The following MEP1B variants were observed in gnomAD, a reference collection of about 807,000 sequenced individuals.
MEP1B encodes the protein N-benzoyl-L-tyrosyl-P-amino-benzoic acid hydrolase subunit beta.
MEP1B carries 80 observed loss-of-function variants against 84.6 expected under a neutral mutation model. The observed-to-expected ratio is 0.95, with a 90% CI of 0.79 to 1.14. The LOEUF (loss-of-function observed/expected upper bound fraction) is 1.14, where lower values mean the gene tolerates loss of function less well. Ranked by LOEUF, MEP1B falls within the 50% of genes most tolerant of loss-of-function variation. MEP1B has a pLI of 0.00. For missense variants in MEP1B, 766 were observed against 855.1 expected, an observed-to-expected ratio of 0.90 and a Z score of 1.30; for synonymous variants, 273 against 288.1, an observed-to-expected ratio of 0.95 and a Z score of 0.53.
At chr18:32,206,889 C>A (rs1013623740) in intron 7 of MEP1B, among the ~76,000 whole-genome samples, 4 of 152,254 alleles carry the variant, frequency 2.6e-5, no homozygotes, top group African/African-American at 7.2e-5. Context: ...GGATTACAGG[C>A]GTGAGCCACC....
At chr18:32,193,704 C>T (rs1012917454) in intron 4 of MEP1B, among the ~76,000 whole-genome samples, 3 of 152,194 alleles carry the variant, frequency 2.0e-5, no homozygotes, top group Non-Finnish European at 4.4e-5. Context: ...CCTTCCAACA[C>T]AGTCCTAAGT....
chr18:32,208,365 CA>C (rs2040988184), intron 9 of MEP1B, 94 bp downstream of exon 9: 1 of 1,249,274 alleles, frequency 8.0e-7, no homozygotes, highest in African/African-American at 1.5e-5. Context: ...TAATTTCTAT[CA>C]GAATTATTAA....
Position 32,196,885 on chromosome 18 carries a change from G to T in MEP1B, c.250+1400G>T. 1 of 465,454 alleles carries T rather than the reference G, an allele frequency of 2.1e-6. No individual in the cohort carries two copies. Among genetic ancestry groups the T allele is most frequent in the Non-Finnish European group, 4.0e-6 (1 of 247,322 alleles). 28.8% of individuals were successfully genotyped at this position (465,454 alleles called of 1,614,324 possible). On this transcript the variant is annotated intron_variant, in intron 5 of 14. Coordinates refer to ENST00000269202, the MANE Select transcript of MEP1B (RefSeq NM_005925.3). The surrounding 1 kb of genome is among the most constrained non-coding windows in gnomAD (Gnocchi z 4.4). ...ATGATGTAGTGGAGGCGGGCAAGGA[G>T]GCGCAGGCAGGCTCAGATCTCCACG...
intron 9 of MEP1B, among the ~76,000 whole-genome samples, chr18:32,210,056 G>A (rs1405050974): frequency 6.6e-6 from 1 of 152,138 alleles, no homozygotes; most frequent in Non-Finnish European, 1.5e-5. Flanking sequence ...TTTGTCCAAT[G>A]GTAGCTCTTT....
At chr18:32,190,682 T>C (rs1330346222) in intron 1 of MEP1B, among the ~76,000 whole-genome samples, 1 of 152,110 alleles carries the variant, frequency 6.6e-6, no homozygotes, top group Non-Finnish European at 1.5e-5. Context: ...ACAATTATTA[T>C]ATTGGGGTGA....
In MEP1B at chr18:32,196,552, G is replaced by A; in HGVS notation, c.250+1067G>A. ...GCCACCTTGAGAGCTTTGGGCCCTTGGTACTTGGTGCTGACGGCCAGCGCG... is the reference window on the plus strand; with the variant it reads ...GCCACCTTGAGAGCTTTGGGCCCTTAGTACTTGGTGCTGACGGCCAGCGCG... On this transcript the variant is annotated intron_variant, in intron 5 of 14. Coordinates refer to ENST00000269202, the MANE Select transcript of MEP1B (RefSeq NM_005925.3). The surrounding 1 kb of genome is among the most constrained non-coding windows in gnomAD (Gnocchi z 4.4). 1 of 703,412 alleles carries A rather than the reference G, an allele frequency of 1.4e-6. No homozygotes were observed. Among genetic ancestry groups the A allele is most frequent in the Middle Eastern group, 2.6e-4 (1 of 3,832 alleles). 43.6% of individuals were successfully genotyped at this position (703,412 alleles called of 1,614,324 possible).
chr18:32,190,963 A>G (rs569717051), intron 1 of MEP1B, among the ~76,000 whole-genome samples: 8 of 152,264 alleles, frequency 5.3e-5, no homozygotes, highest in African/African-American at 1.9e-4. Flanking sequence ...GTATTTGAAT[A>G]AAATTGTACT....
intron 11 of MEP1B, among the ~76,000 whole-genome samples, chr18:32,213,958 T>C (rs1222379703): frequency 2.0e-5 from 3 of 152,192 alleles, no homozygotes; most frequent in Non-Finnish European, 4.4e-5. Flanking sequence ...GCTGTAGTAA[T>C]CATTCCACAG....
Position 32,196,938 on chromosome 18 carries a change from A to G in MEP1B, c.250+1453A>G, listed in dbSNP as rs868421937. ...CACTGCTCCCTACACTTGGTTAAAC[A>G]GGTGCAGGGCCTGATTGATGGGCTC... On this transcript the variant is annotated intron_variant, in intron 5 of 14. Coordinates refer to ENST00000269202, the MANE Select transcript of MEP1B (RefSeq NM_005925.3). This position sits in a 1 kb window ranked among gnomAD's most constrained non-coding sequence, Gnocchi z 4.4. 2.9e-6 allele frequency: 1 copy of G among 344,290 alleles called. No homozygotes were observed. Among genetic ancestry groups the G allele is most frequent in the Non-Finnish European group, 5.5e-6 (1 of 180,498 alleles). 21.3% of individuals were successfully genotyped at this position (344,290 alleles called of 1,614,324 possible).
At chr18:32,207,557 G>A in intron 8 of MEP1B, 87 bp downstream of exon 8, 1 of 879,818 alleles carries the variant, frequency 1.1e-6, no homozygotes, top group South Asian at 1.5e-5. Flanking sequence ...TCAAGCATTG[G>A]TGGGGTTTCT....
At chr18:32,195,348 G>C in intron 4 of MEP1B, 59 bp from the exon 5 acceptor site, 4 of 1,059,998 alleles carry the variant, frequency 3.8e-6, no homozygotes, top group Non-Finnish European at 4.3e-6. Context: ...ATTAACTACA[G>C]GTTTCCTAAG....
chr18:32,210,573 C>G lies in MEP1B; in HGVS notation c.992C>G (p.Thr331Arg). The G allele has an allele frequency of 6.2e-7, 1 of 1,613,990 alleles. No individual in the cohort carries two copies. Among genetic ancestry groups the G allele is most frequent in the Middle Eastern group, 1.6e-4 (1 of 6,062 alleles). Residue 331 changes from threonine (T) to arginine (R), a missense_variant, in exon 10 of 15, where the codon ACG becomes AGG. Coordinates refer to ENST00000269202, the MANE Select transcript of MEP1B (RefSeq NM_005925.3). ...GCCACAGCAGTGCTGGAAAGTAGAA[C>G]GCTGTACCCTAAAAGAGGATTTCAG... Reference protein sequence around the residue: ...VGATAVLESRTLYPKRGFQCL... With the variant: ...VGATAVLESRRLYPKRGFQCL...
intron 5 of MEP1B, among the ~76,000 whole-genome samples, chr18:32,199,727 G>A (rs541587809): frequency 3.5e-5 from 4 of 115,898 alleles, no homozygotes; most frequent in Non-Finnish European, 5.3e-5. Flanking sequence ...TTTTTGAGAC[G>A]AGTTCTCACT....
At chr18:32,201,750 A>G (rs1239890368) in intron 5 of MEP1B, among the ~76,000 whole-genome samples, 2 of 152,154 alleles carry the variant, frequency 1.3e-5, no homozygotes, top group Non-Finnish European at 2.9e-5. Context: ...ACGATAGTGT[A>G]TTACTTATGT....
At chr18:32,199,660 T>C (rs2161824) in intron 5 of MEP1B, among the ~76,000 whole-genome samples, 9,369 of 96,424 alleles carry the variant, frequency 0.097, 493 homozygotes, top group Middle Eastern at 0.13. Context: ...CTTTTTTTCC[T>C]TTCGTTCGTT....
intron 9 of MEP1B, among the ~76,000 whole-genome samples, chr18:32,209,631 C>T (rs939736042): frequency 6.6e-6 from 1 of 151,992 alleles, no homozygotes; most frequent in Non-Finnish European, 1.5e-5. Context: ...TTATCAGGTT[C>T]AGTTATTCTC....
At chr18:32,214,914 TA>T (rs1182812636) in intron 11 of MEP1B, among the ~76,000 whole-genome samples, 167 bp from the exon 12 acceptor site, 1 of 152,238 alleles carries the variant, frequency 6.6e-6, no homozygotes, top group Non-Finnish European at 1.5e-5. Context: ...TAGGACAGTA[TA>T]AATGAACAAG....
chr18:32,209,091 A>G (rs973870757), intron 9 of MEP1B, among the ~76,000 whole-genome samples: 2 of 152,198 alleles, frequency 1.3e-5, no homozygotes, highest in African/African-American at 4.8e-5. Context: ...AAGGTTCCCT[A>G]ATGTTGTCTC....
intron 14 of MEP1B, 79 bp from the exon 15 acceptor site, chr18:32,220,152 G>A: frequency 7.4e-7 from 1 of 1,347,240 alleles, no homozygotes; most frequent in South Asian, 1.3e-5. Context: ...TTAAAGACCA[G>A]ATCATTTTAT....
Sources: allele counts gnomAD v4.1 joint callset (sites outside exome capture counted in the v4.1 genomes callset), GRCh38; gene constraint gnomAD v4.1.1; non-coding constraint Gnocchi (gnomAD v3.1); transcripts MANE v1.5; gene names NCBI Gene and HGNC (gene_info 2026-07-23, HGNC 2026-07-21).